Variants in RALGAPA2 observed in about 807,000 individuals in gnomAD.
The protein encoded by RALGAPA2 is Ral GTPase activating protein catalytic subunit alpha 2.
In RALGAPA2, 139 loss-of-function variants were observed where a neutral mutation model predicts 230.4. That is an observed-to-expected ratio of 0.60 (90% CI 0.53 to 0.69). The LOEUF (loss-of-function observed/expected upper bound fraction) is 0.69, where lower values mean the gene tolerates loss of function less well. Ranked by LOEUF, RALGAPA2 falls within the 30% of genes least tolerant of loss-of-function variation. RALGAPA2 has a pLI of 0.00. For missense variants in RALGAPA2, 2,163 were observed against 2,276.0 expected, an observed-to-expected ratio of 0.95 and a Z score of 1.01; for synonymous variants, 847 against 837.8, an observed-to-expected ratio of 1.01 and a Z score of -0.19.
chr20:20,572,585 TATACA>T (rs2064681203), intron 21 of RALGAPA2, among the ~76,000 whole-genome samples: 1 of 152,226 alleles, frequency 6.6e-6, no homozygotes, highest in African/African-American at 2.4e-5. Context: ...TTTCAAATTG[TATACA>T]ATACAACCAA....
At chr20:20,400,241 C>T (rs1238647841) in intron 38 of RALGAPA2, among the ~76,000 whole-genome samples, 1 of 152,224 alleles carries the variant, frequency 6.6e-6, no homozygotes, top group Non-Finnish European at 1.5e-5. Context: ...AGGATGGCTT[C>T]CAGTATTTCC....
chr20:20,416,517 G>A (rs544241666), intron 37 of RALGAPA2, among the ~76,000 whole-genome samples: 1 of 152,268 alleles, frequency 6.6e-6, no homozygotes, highest in South Asian at 2.1e-4. Context: ...ATGGTGTTAA[G>A]TTCAAGATCA....
rs144870059 is a variant in RALGAPA2, at chr20:20,430,844, C to G, written c.5496-18696G>C. Among the ~76,000 whole-genome samples the G allele has an allele frequency of 3.3e-4, 50 of 152,148 alleles. No individual in the cohort carries two copies. The East Asian group carries it at 9.7e-3, about 29-fold the overall frequency. ...CCAAAGGTTAAGGACAGTACATGAG[C>G]GAGAGAACTTTTTAAATGCCTCTAT... On this transcript the variant is annotated intron_variant, in intron 37 of 39. Coordinates refer to ENST00000202677, the MANE Select transcript of RALGAPA2 (RefSeq NM_020343.4).
intron 26 of RALGAPA2, 116 bp from the exon 27 acceptor site, chr20:20,531,911 A>G: frequency 1.2e-6 from 1 of 843,582 alleles, no homozygotes; most frequent in South Asian, 1.9e-5. Context: ...AATATTATAG[A>G]TCTATTAGCA....
chr20:20,684,623 C>T (rs2068637245), intron 1 of RALGAPA2, among the ~76,000 whole-genome samples: 1 of 152,276 alleles, frequency 6.6e-6, no homozygotes, highest in South Asian at 2.1e-4. Context: ...AGCATAGCAT[C>T]TACAGCACAC....
In RALGAPA2 at chr20:20,393,387, C is replaced by A. The variant is rs1040856976; in HGVS notation, c.*36-134G>T. 4.2e-5 allele frequency: 22 copies of A among 519,256 alleles called. No homozygotes were observed. The African/African-American group carries it at 4.3e-4, about 10-fold the overall frequency. 32.2% of individuals were successfully genotyped at this position (519,256 alleles called of 1,614,324 possible). ...AAGGGTCTGGTGACCTCCTCCCACGCTATGCCGGCAAAGATGTTTGTTGAA... is the reference window on the plus strand; with the variant it reads ...AAGGGTCTGGTGACCTCCTCCCACGATATGCCGGCAAAGATGTTTGTTGAA... On this transcript the variant is annotated intron_variant, in intron 39 of 39. Transcript: ENST00000202677.
chr20:20,517,617 T>A (rs1167684300), intron 31 of RALGAPA2, among the ~76,000 whole-genome samples: 1 of 152,070 alleles, frequency 6.6e-6, no homozygotes, highest in African/African-American at 2.4e-5. Flanking sequence ...CCATTCCAAT[T>A]CCACAGGAGA....
Position 20,536,719 on chromosome 20 carries a change from C to T in RALGAPA2, c.3351G>A (p.Glu1117=). 1 of 1,613,206 alleles carries T rather than the reference C, an allele frequency of 6.2e-7. No homozygotes were observed. Among genetic ancestry groups the T allele is most frequent in the Non-Finnish European group, 8.5e-7 (1 of 1,179,370 alleles). Residue 1117 remains glutamate (E), a synonymous_variant, in exon 25 of 40, where the codon GAG becomes GAA. Transcript: ENST00000202677. ...SLVCFPNTYQ[E]IPLLQSVPEV... ...CTGGCACTGACTGCAGTAAAGGAAT[C>T]TCCTGGTAGGTATTTGGAAAGCAGA...
At chr20:20,621,742 A>G (rs2146354958) in intron 10 of RALGAPA2, among the ~76,000 whole-genome samples, 1 of 152,344 alleles carries the variant, frequency 6.6e-6, no homozygotes, top group Non-Finnish European at 1.5e-5. Flanking sequence ...AATTTAAAGG[A>G]GAAATGCATT....
At chr20:20,594,884 C>T (rs1320052049) in intron 16 of RALGAPA2, among the ~76,000 whole-genome samples, 1 of 151,858 alleles carries the variant, frequency 6.6e-6, no homozygotes, top group East Asian at 1.9e-4. Context: ...ACACAACTGG[C>T]TAGTTTTTTG....
At chr20:20,421,445 C>T (rs969186580) in intron 37 of RALGAPA2, among the ~76,000 whole-genome samples, 6 of 152,046 alleles carry the variant, frequency 3.9e-5, no homozygotes, top group South Asian at 2.1e-4. Flanking sequence ...CTGAGGTGGG[C>T]GGATCACCTG....
intron 37 of RALGAPA2, among the ~76,000 whole-genome samples, chr20:20,412,659 A>G (rs1304597354): frequency 1.3e-5 from 2 of 152,200 alleles, no homozygotes; most frequent in Non-Finnish European, 2.9e-5. Context: ...GGGGCATCAG[A>G]GCCTCTAACC....
intron 23 of RALGAPA2, among the ~76,000 whole-genome samples, chr20:20,561,809 G>A (rs1279546934): frequency 2.6e-5 from 4 of 152,104 alleles, no homozygotes; most frequent in Non-Finnish European, 4.4e-5. Flanking sequence ...CTCCTTTAGG[G>A]CAAGGTTTCT....
chr20:20,564,156 G>A (rs939981353), intron 23 of RALGAPA2, among the ~76,000 whole-genome samples: 3 of 152,110 alleles, frequency 2.0e-5, no homozygotes, highest in African/African-American at 7.2e-5. Context: ...TTGAATCAAG[G>A]CTCTCTACAG....
chr20:20,527,251 A>G (rs889643717), intron 27 of RALGAPA2, among the ~76,000 whole-genome samples: 2 of 152,204 alleles, frequency 1.3e-5, no homozygotes, highest in African/African-American at 4.8e-5. Context: ...GTACAGAATA[A>G]GGAAGAAGAT....
chr20:20,458,771 G>C (rs1392352031), intron 37 of RALGAPA2, among the ~76,000 whole-genome samples: 26 of 120,716 alleles, frequency 2.2e-4, no homozygotes, highest in African/African-American at 6.1e-4. Context: ...TATATATATA[G>C]ACCTATATAT....
chr20:20,560,119 G>C (rs1001114581), intron 23 of RALGAPA2, among the ~76,000 whole-genome samples: 1 of 152,084 alleles, frequency 6.6e-6, no homozygotes, highest in African/African-American at 2.4e-5. Flanking sequence ...CTAAGAGTGA[G>C]GCCACCAAGA....
At chr20:20,627,223 T>A (rs2066515968) in intron 10 of RALGAPA2, among the ~76,000 whole-genome samples, 1 of 152,138 alleles carries the variant, frequency 6.6e-6, no homozygotes, top group Non-Finnish European at 1.5e-5. Context: ...GCAAAACTCC[T>A]GTGTGACTTG....
intron 31 of RALGAPA2, among the ~76,000 whole-genome samples, chr20:20,519,871 CTT>C (rs2062984191): frequency 6.6e-6 from 1 of 151,950 alleles, no homozygotes; most frequent in South Asian, 2.1e-4. Context: ...ACCTACATCT[CTT>C]TAATTTTTTT....
Sources: allele counts gnomAD v4.1 joint callset (sites outside exome capture counted in the v4.1 genomes callset), GRCh38; gene constraint gnomAD v4.1.1; transcripts MANE v1.5; gene names NCBI Gene and HGNC (gene_info 2026-07-23, HGNC 2026-07-21).